Variants in ZFAT observed in about 807,000 individuals in gnomAD.
ZFAT encodes the protein zinc finger protein ZFAT.
In ZFAT, 64 loss-of-function variants were observed where a neutral mutation model predicts 117.7. That is an observed-to-expected ratio of 0.54 (90% confidence interval 0.44 to 0.67). The LOEUF is 0.67. Ranked by LOEUF, ZFAT falls within the 30% of genes least tolerant of loss-of-function variation. The pLI is 0.00. For synonymous variants in ZFAT, 679 were observed against 615.0 expected, an observed-to-expected ratio of 1.10 and a Z score of -1.54; for missense variants, 1,433 against 1,584.5, an observed-to-expected ratio of 0.90 and a Z score of 1.62.
chr8:134,596,274 T>G (rs1017952345), intron 7 of ZFAT, among the ~76,000 whole-genome samples: 18 of 152,168 alleles, frequency 1.2e-4, no homozygotes, highest in South Asian at 2.1e-4. Context: ...TATTTTTCAC[T>G]CCACTTTCAG....
intron 1 of ZFAT, among the ~76,000 whole-genome samples, chr8:134,701,329 A>G (rs1834002496): frequency 6.6e-6 from 1 of 152,216 alleles, no homozygotes; most frequent in African/African-American, 2.4e-5. Context: ...AAGGTTCATC[A>G]TGTGGTAGCC....
chr8:134,763,747 G>A, the ZFAT span, among the ~76,000 whole-genome samples: 4 of 152,094 alleles, frequency 2.6e-5, no homozygotes, highest in Non-Finnish European at 5.9e-5. Flanking sequence ...GGTCTTTGCC[G>A]CAACTATCCG....
At chr8:134,588,689 A>G (rs1165176259) in intron 8 of ZFAT, among the ~76,000 whole-genome samples, 2 of 152,248 alleles carry the variant, frequency 1.3e-5, no homozygotes, top group African/African-American at 2.4e-5. Flanking sequence ...CCATAAGTCA[A>G]TGTCATGGAA....
intron 10 of ZFAT, among the ~76,000 whole-genome samples, chr8:134,569,888 G>A (rs186096460): frequency 2.7e-4 from 41 of 152,330 alleles, no homozygotes; most frequent in Non-Finnish European, 5.3e-4. Context: ...GAAAAGGTTT[G>A]TACAACTATA....
the ZFAT span, among the ~76,000 whole-genome samples, chr8:134,776,736 C>T: frequency 3.9e-5 from 6 of 152,262 alleles, no homozygotes; most frequent in South Asian, 2.1e-4. Flanking sequence ...TTCTCTACTG[C>T]GCTGAGGACC....
chr8:134,611,567 A>C (rs1828332757), intron 3 of ZFAT, among the ~76,000 whole-genome samples: 1 of 152,206 alleles, frequency 6.6e-6, no homozygotes, highest in Non-Finnish European at 1.5e-5. Context: ...GAGACCAGTC[A>C]GGCCTGGGGA....
chr8:134,547,244 A>C (rs1174316025), intron 11 of ZFAT, among the ~76,000 whole-genome samples: 3 of 152,194 alleles, frequency 2.0e-5, no homozygotes, highest in African/African-American at 7.2e-5. Context: ...TGATCACCAA[A>C]GCTCACCACA....
At chr8:134,547,877 G>C (rs1278181089) in intron 11 of ZFAT, among the ~76,000 whole-genome samples, 1 of 152,112 alleles carries the variant, frequency 6.6e-6, no homozygotes, top group Non-Finnish European at 1.5e-5. Context: ...TGGTTATCCT[G>C]GGCTGAGCAC....
chr8:134,637,689 T>C lies in ZFAT; in HGVS notation c.220A>G (p.Arg74Gly). 6.2e-7 allele frequency: 1 copy of C among 1,614,078 alleles called. No individual in the cohort carries two copies. The highest frequency in any genetic ancestry group is 8.5e-7 in the Non-Finnish European group (1 of 1,180,014). ...GDEFLVMKRKRGRPKGSTKKS... is the reference protein window; with the variant it reads ...GDEFLVMKRKGGRPKGSTKKS... ...TTCGTGGACCCCTTAGGCCTGCCTC[T>C]CTTCCTCTTCATGACCAAAAACTCT... Residue 74 changes from arginine to glycine, a missense_variant, in exon 3 of 16, where the codon AGA (arginine) becomes GGA (glycine). By Grantham distance (125) the Arg-to-Gly change is moderately radical. Around this residue, in one of 5 missense-constraint regions of ZFAT, gnomAD observed 436 missense variants for 482.0 expected, o/e 0.90. Transcript: ENST00000377838.
intron 1 of ZFAT, among the ~76,000 whole-genome samples, chr8:134,697,000 C>T (rs1010995354): frequency 3.3e-5 from 5 of 152,072 alleles, no homozygotes; most frequent in Admixed American, 2.6e-4. Flanking sequence ...TCACTGCAAC[C>T]TCCGCCCACC....
chr8:134,753,451 G>T, the ZFAT span, among the ~76,000 whole-genome samples: 1 of 152,156 alleles, frequency 6.6e-6, no homozygotes, highest in Admixed American at 6.5e-5. Context: ...CACATGACTG[G>T]CTGTTAGCTT....
At chr8:134,732,276 T>C in the ZFAT span, among the ~76,000 whole-genome samples, 1 of 151,974 alleles carries the variant, frequency 6.6e-6, no homozygotes. Flanking sequence ...GCTCTGCAGG[T>C]TTTTTACTGT....
intron 1 of ZFAT, among the ~76,000 whole-genome samples, chr8:134,690,125 T>C (rs778643313): frequency 1.3e-5 from 2 of 152,162 alleles, no homozygotes; most frequent in African/African-American, 2.4e-5. Context: ...ATGAACCCAG[T>C]ATTCACATTA....
At chr8:134,565,194 C>T (rs1824347452) in intron 11 of ZFAT, 139 bp downstream of exon 11, 2 of 1,538,694 alleles carry the variant, frequency 1.3e-6, no homozygotes, top group East Asian at 2.4e-5. Context: ...ATGCCTCAGA[C>T]TCCACGTGTA....
chr8:134,601,259 A>G (rs1772840234), intron 6 of ZFAT, among the ~76,000 whole-genome samples: 1 of 152,152 alleles, frequency 6.6e-6, no homozygotes, highest in African/African-American at 2.4e-5. Flanking sequence ...CACACACCTG[A>G]CCAGGCCAAC....
At chr8:134,680,836 G>A (rs1833038997) in intron 1 of ZFAT, among the ~76,000 whole-genome samples, 1 of 152,140 alleles carries the variant, frequency 6.6e-6, no homozygotes, top group South Asian at 2.1e-4. Context: ...GTGTTGTGTT[G>A]TGTATATTTT....
At chr8:134,681,775 T>C (rs1383940284) in intron 1 of ZFAT, among the ~76,000 whole-genome samples, 2 of 152,192 alleles carry the variant, frequency 1.3e-5, no homozygotes, top group Non-Finnish European at 1.5e-5. Flanking sequence ...TTTTCTTGTT[T>C]TTCATTTGCC....
intron 2 of ZFAT, among the ~76,000 whole-genome samples, chr8:134,643,414 A>ATCCC (rs1418042638): frequency 1.3e-5 from 2 of 152,220 alleles, no homozygotes; most frequent in Admixed American, 6.5e-5. Context: ...CTTCAGTGTG[A>ATCCC]TCCCACTCCC....
chr8:134,659,334 G>A (rs1586908147), intron 1 of ZFAT, among the ~76,000 whole-genome samples: 1 of 152,196 alleles, frequency 6.6e-6, no homozygotes, highest in East Asian at 1.9e-4. Context: ...GGTGGGCATA[G>A]TGAGGGGGAC....
Sources: allele counts gnomAD v4.1 joint callset (sites outside exome capture counted in the v4.1 genomes callset), GRCh38; gene constraint gnomAD v4.1.1; regional missense constraint gnomAD v4.1.1; transcripts MANE v1.5; gene names NCBI Gene and HGNC (gene_info 2026-07-23, HGNC 2026-07-21).